The following CHM variants were observed in gnomAD, a reference collection of about 807,000 sequenced individuals.
The protein encoded by CHM is CHM Rab escort protein.
Under a neutral mutation model 49.0 loss-of-function variants are expected in CHM, and 10 were observed. The observed-to-expected ratio is 0.20, with a 90% CI of 0.13 to 0.35. CHM has a LOEUF of 0.35. CHM is among the 10% of genes least tolerant of loss of function. The pLI, the probability that CHM is intolerant of heterozygous loss-of-function variation, is 1.00. For missense variants in CHM, 455 were observed against 478.4 expected, an observed-to-expected ratio of 0.95 and a Z score of 0.46; for synonymous variants, 184 against 167.5, an observed-to-expected ratio of 1.10 and a Z score of -0.76.
At chrX:85,897,846 C>G (rs1231202704) in intron 11 of CHM, among the ~76,000 whole-genome samples, 1 of 111,042 alleles carries the variant, frequency 9.0e-6, no homozygotes, top group African/African-American at 3.3e-5. Flanking sequence ...CAGCCTGACT[C>G]AGGAATGGGA....
At chrX:85,995,341 A>C (rs1932392963) in intron 2 of CHM, among the ~76,000 whole-genome samples, 1 of 108,160 alleles carries the variant, frequency 9.2e-6, no homozygotes, top group Admixed American at 9.9e-5. Context: ...CCACACTTCA[A>C]CTTTTTACAG....
chrX:86,014,606 T>C (rs188207054), intron 2 of CHM, among the ~76,000 whole-genome samples: 1 of 112,543 alleles, frequency 8.9e-6, no homozygotes, highest in East Asian at 2.8e-4. Flanking sequence ...AGTGGGGGTG[T>C]CCCCGGCTGT....
rs746193488 is a variant in CHM, at chrX:85,900,735, G to A, written c.1350-26C>T. 93 of 1,079,647 alleles carry A rather than the reference G, an allele frequency of 8.6e-5. No individual in the cohort carries two copies. The South Asian group carries it at 1.6e-3, about 19-fold the overall frequency. The allele number at this position is 1,079,647 out of a possible 1,213,427, so 89.0% of individuals were successfully genotyped here. ...CTGTAATGCACAAAACAGTGAAGCA[G>A]TAATTCTGATTCCATGGATAAGTTT... On this transcript the variant is annotated intron_variant, in intron 10 of 14. Transcript: ENST00000357749.
intron 1 of CHM, among the ~76,000 whole-genome samples, chrX:86,035,851 T>C (rs1200069666): frequency 6.0e-5 from 6 of 99,978 alleles, no homozygotes; most frequent in African/African-American, 2.2e-4. Flanking sequence ...TGGAGTGCAG[T>C]AGCGCGATCT....
At chrX:85,948,950 C>T (rs1340446304) in intron 8 of CHM, among the ~76,000 whole-genome samples, 1 of 111,849 alleles carries the variant, frequency 8.9e-6, no homozygotes. Context: ...AATTCACAGA[C>T]AGACTCTTGT....
At chrX:85,874,584 A>G (rs1924305751) in intron 13 of CHM, among the ~76,000 whole-genome samples, 1 of 111,471 alleles carries the variant, frequency 9.0e-6, no homozygotes, top group African/African-American at 3.3e-5. Flanking sequence ...TATCTCCACT[A>G]TAAGAACACC....
At chrX:85,962,591 A>G (rs1376709812) in intron 5 of CHM, among the ~76,000 whole-genome samples, 1 of 111,953 alleles carries the variant, frequency 8.9e-6, no homozygotes, top group African/African-American at 3.2e-5. Context: ...AGTACATTAA[A>G]TTGAAAAGCC....
intron 8 of CHM, among the ~76,000 whole-genome samples, chrX:85,912,990 G>GT (rs1310026598): frequency 1.1e-5 from 1 of 91,705 alleles, no homozygotes; most frequent in African/African-American, 4.1e-5. Flanking sequence ...TCCAGCCTGG[G>GT]TGACAGAGTG....
intron 2 of CHM, among the ~76,000 whole-genome samples, chrX:86,008,902 T>A (rs1229060054): frequency 8.9e-6 from 1 of 112,719 alleles, no homozygotes; most frequent in Admixed American, 9.4e-5. Flanking sequence ...ACTATTTTTA[T>A]AGTTTAGATT....
At position 85,957,836 on chromosome X, in the gene CHM, T is replaced by C; in HGVS notation, c.940+19A>G. On this transcript the variant is annotated intron_variant, in intron 7 of 14. Coordinates refer to ENST00000357749, the MANE Select transcript of CHM (RefSeq NM_000390.4). Reference sequence around the variant, plus strand: ...GAAATGTCAAATAATTGGAGAGCACTACTTAATGAAAAAAATACCTTTATA... The same window carrying C: ...GAAATGTCAAATAATTGGAGAGCACCACTTAATGAAAAAAATACCTTTATA... The C allele has an allele frequency of 8.3e-7, 1 of 1,197,854 alleles. No individual in the cohort carries two copies. Among genetic ancestry groups the C allele is most frequent in the Non-Finnish European group, 1.1e-6 (1 of 886,781 alleles).
At chrX:85,977,371 A>C (rs1416310317) in intron 4 of CHM, among the ~76,000 whole-genome samples, 2 of 112,534 alleles carry the variant, frequency 1.8e-5, no homozygotes, top group African/African-American at 6.5e-5. Context: ...CCTTCCACCA[A>C]CAACCATTTA....
chrX:85,892,784 C>T (rs749344828), intron 12 of CHM, among the ~76,000 whole-genome samples: 1 of 111,601 alleles, frequency 9.0e-6, no homozygotes, highest in African/African-American at 3.3e-5. Flanking sequence ...CCACATGTTC[C>T]CATTTTTAAG....
chrX:85,871,770 T>G (rs1389202520), intron 14 of CHM, among the ~76,000 whole-genome samples: 1 of 111,804 alleles, frequency 8.9e-6, no homozygotes, highest in Non-Finnish European at 1.9e-5. Context: ...CTTACATTAG[T>G]ACTTGTATTA....
At chrX:85,958,336 A>G (rs1930110482) in intron 6 of CHM, among the ~76,000 whole-genome samples, 1 of 111,766 alleles carries the variant, frequency 8.9e-6, no homozygotes, top group Admixed American at 9.5e-5. Flanking sequence ...TTGATTTTTC[A>G]GTGAAACTTC....
intron 5 of CHM, among the ~76,000 whole-genome samples, chrX:85,960,831 A>G (rs953096825): frequency 1.9e-4 from 21 of 111,258 alleles, no homozygotes; most frequent in East Asian, 2.8e-4. Context: ...TTAATTAACA[A>G]TTTTTCCTTA....
chrX:85,918,043 C>A (rs1379419373), intron 8 of CHM, among the ~76,000 whole-genome samples: 1 of 111,365 alleles, frequency 9.0e-6, no homozygotes, highest in Admixed American at 9.5e-5. Flanking sequence ...GGTCAACACA[C>A]AAATTCAGGA....
intron 4 of CHM, chrX:85,971,527 G>A (rs1438326951): frequency 3.2e-5 from 9 of 280,320 alleles, no homozygotes; most frequent in Admixed American, 7.2e-5. Flanking sequence ...CTCGGTGGGC[G>A]CAGGAGTGAA....
intron 8 of CHM, among the ~76,000 whole-genome samples, chrX:85,948,091 G>A (rs1348372594): frequency 1.8e-5 from 2 of 111,373 alleles, no homozygotes; most frequent in Admixed American, 9.6e-5. Context: ...AAAAAAAAAT[G>A]TGAAGTTTGT....
chrX:85,884,251 C>T (rs199674319), intron 12 of CHM, among the ~76,000 whole-genome samples: 3 of 110,783 alleles, frequency 2.7e-5, no homozygotes, highest in East Asian at 5.6e-4. Flanking sequence ...TTTTACAAAA[C>T]ATAACTTTAC....
Sources: allele counts gnomAD v4.1 joint callset (sites outside exome capture counted in the v4.1 genomes callset), GRCh38; gene constraint gnomAD v4.1.1; transcripts MANE v1.5; gene names NCBI Gene and HGNC (gene_info 2026-07-23, HGNC 2026-07-21).